Variants in PDZD2 observed in about 807,000 individuals in gnomAD.
The protein encoded by PDZD2 is PDZ domain containing 2.
PDZD2 carries 90 observed loss-of-function variants against 220.7 expected under a neutral mutation model. The ratio of observed to expected loss-of-function variants is 0.41; its 90% CI spans 0.34 to 0.49. The LOEUF is 0.49. Ranked by LOEUF, PDZD2 falls within the 20% of genes least tolerant of loss-of-function variation. PDZD2 has a pLI of 0.28. For synonymous variants in PDZD2, 1,375 were observed against 1,450.5 expected (o/e 0.95, Z 1.18); for missense variants, 3,174 against 3,608.5 (o/e 0.88, Z 3.08).
intron 1 of PDZD2, among the ~76,000 whole-genome samples, chr5:31,673,747 G>C (rs1374134048): frequency 6.6e-6 from 1 of 152,082 alleles, no homozygotes; most frequent in African/African-American, 2.4e-5. Flanking sequence ...GAGGCAGGTG[G>C]ATCATCTGAG....
intron 2 of PDZD2, among the ~76,000 whole-genome samples, chr5:31,857,194 T>G (rs1758530046): frequency 6.6e-6 from 1 of 152,102 alleles, no homozygotes; most frequent in East Asian, 1.9e-4. Flanking sequence ...TTTTCAACTC[T>G]TTGCACTTAT....
rs1422458486 is a variant in PDZD2, at chr5:32,110,552, C to CT, written c.*2418dup. On this transcript the variant is annotated 3_prime_UTR_variant, in exon 25 of 25. Coordinates refer to ENST00000438447, the MANE Select transcript of PDZD2 (RefSeq NM_178140.4). Reference sequence around the variant, plus strand: ...CACTAATGGTATTGTCCTACTAAAACTGTCATTGTTTCTTTTTTTTTAACT... The same window carrying CT: ...CACTAATGGTATTGTCCTACTAAAACTTGTCATTGTTTCTTTTTTTTTAACT... 1 of 152,592 alleles carries CT rather than the reference C, an allele frequency of 6.6e-6. No homozygotes were observed. The highest frequency in any genetic ancestry group is 2.4e-5 in the African/African-American group (1 of 41,448). 9.5% of individuals were successfully genotyped at this position (152,592 alleles called of 1,614,324 possible).
intron 3 of PDZD2, among the ~76,000 whole-genome samples, chr5:31,984,731 A>T (rs1273866629): frequency 1.3e-5 from 2 of 152,050 alleles, no homozygotes; most frequent in Non-Finnish European, 2.9e-5. Context: ...TGGGGGCCTG[A>T]GTGAGAGGAT....
intron 5 of PDZD2, among the ~76,000 whole-genome samples, chr5:32,006,265 C>A (rs186794253): frequency 6.6e-6 from 1 of 151,590 alleles, no homozygotes; most frequent in Non-Finnish European, 1.5e-5. Context: ...TTATTACATA[C>A]ATTATTAATA....
rs753028675 is a variant in PDZD2, at chr5:32,074,114, G to A, written c.3008G>A (p.Arg1003His). 41 of 1,614,098 alleles carry A rather than the reference G, an allele frequency of 2.5e-5. No individual in the cohort carries two copies. The highest frequency in any genetic ancestry group is 2.7e-5 in the Non-Finnish European group (32 of 1,180,046). Residue 1003 changes from arginine (R) to histidine (H), a missense_variant, in exon 18 of 25, where the codon CGT becomes CAT. Arg to His is a conservative substitution (Grantham distance 29). Around this residue, in one of 4 missense-constraint regions of PDZD2, gnomAD observed 1,861 missense variants for 2,001.0 expected, o/e 0.93. Coordinates refer to ENST00000438447, the MANE Select transcript of PDZD2 (RefSeq NM_178140.4). ...IRPLSEDDPR[R>H]VSISSSKGMD... Reference sequence around the variant, plus strand: ...CCTCTGTCAGAGGATGACCCGAGGCGTGTCTCAATTTCCTCTTCCAAGGGC... The same window carrying A: ...CCTCTGTCAGAGGATGACCCGAGGCATGTCTCAATTTCCTCTTCCAAGGGC...
chr5:31,691,729 A>G (rs1421644722), intron 1 of PDZD2, among the ~76,000 whole-genome samples: 1 of 152,204 alleles, frequency 6.6e-6, no homozygotes, highest in Non-Finnish European at 1.5e-5. Flanking sequence ...TTAGCTAGAT[A>G]CAGAGTGTTG....
At chr5:31,670,358 T>A (rs778925128) in intron 1 of PDZD2, among the ~76,000 whole-genome samples, 1 of 152,134 alleles carries the variant, frequency 6.6e-6, no homozygotes, top group African/African-American at 2.4e-5. Context: ...GCCCAGGAGG[T>A]AGCTAAACAT....
Position 32,073,837 on chromosome 5 carries a change from A to G in PDZD2, c.2731A>G (p.Lys911Glu). The change falls in exon 18 of 25, where the codon AAG becomes GAG. Residue 911 changes from lysine to glutamate, a missense_variant. Coordinates refer to ENST00000438447, the MANE Select transcript of PDZD2 (RefSeq NM_178140.4). Reference sequence around the variant, plus strand: ...TCTGTCCCCACCTCCACCAGCTCACAAGGAGCCTGGAAAACCCAGAGCCAA... The same window carrying G: ...TCTGTCCCCACCTCCACCAGCTCACGAGGAGCCTGGAAAACCCAGAGCCAA... ...GSLPPSTSTH[K>E]EPGKPRANSL... The G allele has an allele frequency of 6.2e-7, 1 of 1,605,186 alleles. No individual in the cohort carries two copies. The highest frequency in any genetic ancestry group is 1.3e-5 in the African/African-American group (1 of 74,478).
intron 16 of PDZD2, 101 bp downstream of exon 16, chr5:32,071,519 C>T (rs1410661282): frequency 2.2e-6 from 2 of 890,088 alleles, no homozygotes; most frequent in East Asian, 2.4e-5. Flanking sequence ...TGTTTCTGCC[C>T]ATGAGTCATT....
Position 31,892,903 on chromosome 5 carries a change from C to T in PDZD2, c.477-90252C>T, listed in dbSNP as rs114004298. 3.7e-3 allele frequency among the ~76,000 whole-genome samples: 559 copies of T among 152,148 alleles called. 2 individuals carry two copies. The highest frequency in any genetic ancestry group is 0.013 in the African/African-American group (536 of 41,506). ...GTTTCTTATGGAGCTCACAGCCTGACGGTGGAGACAGGTGTGTAGACACAC... is the reference window on the plus strand; with the variant it reads ...GTTTCTTATGGAGCTCACAGCCTGATGGTGGAGACAGGTGTGTAGACACAC... On this transcript the variant is annotated intron_variant, in intron 2 of 24. Coordinates refer to ENST00000438447, the MANE Select transcript of PDZD2 (RefSeq NM_178140.4).
intron 19 of PDZD2, among the ~76,000 whole-genome samples, chr5:32,078,355 G>A (rs2112424069): frequency 6.6e-6 from 1 of 152,318 alleles, no homozygotes; most frequent in South Asian, 2.1e-4. Context: ...TTAGGTGCCA[G>A]GTGCAGTGGC....
chr5:31,885,899 T>C (rs1045161221), intron 2 of PDZD2, among the ~76,000 whole-genome samples: 5 of 150,312 alleles, frequency 3.3e-5, no homozygotes, highest in African/African-American at 1.2e-4. Flanking sequence ...TTTTGTTTGT[T>C]GTTTTTGAGT....
chr5:32,104,515 G>C (rs57259049), intron 24 of PDZD2, among the ~76,000 whole-genome samples: 8,261 of 151,548 alleles, frequency 0.055, 285 homozygotes, highest in African/African-American at 0.1. Context: ...CCTGAGGTCA[G>C]GAGTTAGAGA....
intron 2 of PDZD2, among the ~76,000 whole-genome samples, chr5:31,864,610 C>G (rs1490264766): frequency 6.6e-6 from 1 of 151,856 alleles, no homozygotes; most frequent in Non-Finnish European, 1.5e-5. Context: ...ACCTCTGCCT[C>G]CCAGGTTCAA....
intron 2 of PDZD2, among the ~76,000 whole-genome samples, chr5:31,930,474 C>T (rs1182081430): frequency 6.6e-6 from 1 of 151,994 alleles, no homozygotes; most frequent in Non-Finnish European, 1.5e-5. Flanking sequence ...GCTGGGATTA[C>T]AGGCGTGAGC....
Position 32,089,312 on chromosome 5 carries a change from A to G in PDZD2, c.5864A>G (p.Gln1955Arg). Reference sequence around the variant, plus strand: ...ACCACAGCTGCCCCCAGGTCCCCCCAGTGTGTGCTGGAAAGCAAGCCACCT... The same window carrying G: ...ACCACAGCTGCCCCCAGGTCCCCCCGGTGTGTGCTGGAAAGCAAGCCACCT... ...RNTTAAPRSPQCVLESKPPLA... is the reference protein window; with the variant it reads ...RNTTAAPRSPRCVLESKPPLA... The change falls in exon 20 of 25, where the codon CAG becomes CGG. Residue 1955 changes from glutamine (Q) to arginine (R), a missense_variant. This residue lies in a region of PDZD2 where 1,861 missense variants were observed against 2,001.0 expected (regional missense o/e 0.93). Coordinates refer to ENST00000438447, the MANE Select transcript of PDZD2 (RefSeq NM_178140.4). 1 of 1,613,994 alleles carries G rather than the reference A, an allele frequency of 6.2e-7. No individual in the cohort carries two copies. The highest frequency in any genetic ancestry group is 8.5e-7 in the Non-Finnish European group (1 of 1,179,988).
Position 32,071,373 on chromosome 5 carries a change from C to A in PDZD2, c.2534-11C>A. ...TTGTTTTGACAATATGGTGAATTTT[C>A]CCTCCAACAGGTACCCCCTTGAAGA... On this transcript the variant is annotated splice_polypyrimidine_tract_variant and intron_variant, in intron 15 of 24. Transcript: ENST00000438447. 1.3e-6 allele frequency: 2 copies of A among 1,597,260 alleles called. No individual in the cohort carries two copies.
Position 31,931,829 on chromosome 5 carries a change from G to A in PDZD2, c.477-51326G>A, listed in dbSNP as rs1430230540. Among the ~76,000 whole-genome samples, 9 of 152,114 alleles carry A rather than the reference G, an allele frequency of 5.9e-5. No homozygotes were observed. In the East Asian group the frequency reaches 9.7e-4, roughly 16 times the overall value. ...CATGATGGTGTCAGTGTATGCTGCCGGCGTTGTGTGAGTTGAGGGTGTGTG... is the reference window on the plus strand; with the variant it reads ...CATGATGGTGTCAGTGTATGCTGCCAGCGTTGTGTGAGTTGAGGGTGTGTG... On this transcript the variant is annotated intron_variant, in intron 2 of 24. Transcript: ENST00000438447.
intron 2 of PDZD2, among the ~76,000 whole-genome samples, chr5:31,932,869 C>T (rs1745413984): frequency 6.6e-6 from 1 of 151,342 alleles, no homozygotes; most frequent in Non-Finnish European, 1.5e-5. Flanking sequence ...AGGGTTTGTC[C>T]TTTTATAACT....
Sources: gnomAD v4.1 joint callset for allele counts (sites outside exome capture counted in the v4.1 genomes callset) on GRCh38, gnomAD v4.1.1 for gene constraint, gnomAD v4.1.1 regional missense constraint, MANE v1.5 for transcripts, NCBI Gene and HGNC (gene_info 2026-07-23, HGNC 2026-07-21) for gene names.